The following TNS1 variants were observed in gnomAD, a reference collection of about 807,000 sequenced individuals.
The protein encoded by TNS1 is tensin-1.
In TNS1, 62 loss-of-function variants were observed where a neutral mutation model predicts 168.6. The observed-to-expected ratio is 0.37, with a 90% CI of 0.30 to 0.45. The LOEUF (loss-of-function observed/expected upper bound fraction) is 0.45. Among genes scored for constraint, TNS1 ranks in the 20% least tolerant of loss-of-function variants. TNS1 has a pLI of 1.00. For missense variants in TNS1, 2,240 were observed against 2,339.4 expected (o/e 0.96, Z 0.88); for synonymous variants, 934 against 933.2 (o/e 1.00, Z -0.02).
chr2:217,929,704 AC>A (rs1956219840), intron 3 of TNS1, among the ~76,000 whole-genome samples: 1 of 8,434 alleles, frequency 1.2e-4, no homozygotes. Flanking sequence ...TCCACCCCCC[AC>A]CCGCCCCGGC....
At chr2:217,808,472 C>T (rs1939665964) in intron 31 of TNS1, 131 bp downstream of exon 31, 2 of 930,236 alleles carry the variant, frequency 2.1e-6, no homozygotes, top group East Asian at 4.8e-5. Context: ...CACACATGGG[C>T]AGACCTTCCA....
chr2:218,011,211 T>C (rs1958702990), upstream of TNS1, among the ~76,000 whole-genome samples: 1 of 152,022 alleles, frequency 6.6e-6, no homozygotes, highest in South Asian at 2.1e-4. Context: ...TCAGGAATAT[T>C]GTGTGAGGTC....
chr2:217,820,375 T>A (rs1385478579), intron 23 of TNS1, among the ~76,000 whole-genome samples: 2 of 152,180 alleles, frequency 1.3e-5, no homozygotes, highest in Non-Finnish European at 2.9e-5. Flanking sequence ...TCAGGCCTCC[T>A]GAGCAACGCA....
chr2:217,871,951 C>A (rs2125597193), intron 18 of TNS1, among the ~76,000 whole-genome samples: 1 of 152,390 alleles, frequency 6.6e-6, no homozygotes. Context: ...GCATTTTGGG[C>A]TACAGATGAA....
At chr2:217,968,088 A>G (rs780370902) in intron 3 of TNS1, among the ~76,000 whole-genome samples, 2 of 152,248 alleles carry the variant, frequency 1.3e-5, no homozygotes, top group Non-Finnish European at 2.9e-5. Context: ...ACAAAATCCA[A>G]CACCATTTCA....
intron 23 of TNS1, among the ~76,000 whole-genome samples, chr2:217,820,084 T>C (rs557551686): frequency 6.6e-6 from 1 of 152,134 alleles, no homozygotes; most frequent in Non-Finnish European, 1.5e-5. Flanking sequence ...GGCCACCTCC[T>C]GGTATAATCC....
At chr2:217,828,916 G>A (rs1251318428) in intron 22 of TNS1, among the ~76,000 whole-genome samples, 3 of 152,230 alleles carry the variant, frequency 2.0e-5, no homozygotes, top group South Asian at 2.1e-4. Context: ...AATCGTGGCT[G>A]TAAGATGGGG....
intron 3 of TNS1, among the ~76,000 whole-genome samples, chr2:217,944,613 T>C (rs558303431): frequency 2.6e-5 from 4 of 152,366 alleles, no homozygotes; most frequent in Non-Finnish European, 5.9e-5. Flanking sequence ...AAATGTGAGA[T>C]AGTAATCTCT....
At chr2:217,850,123 G>T (rs1327430485) in intron 18 of TNS1, 1 of 985,240 alleles carries the variant, frequency 1.0e-6, no homozygotes, top group Non-Finnish European at 1.2e-6. Context: ...AAGGGACGCG[G>T]GTCCTGGGAA....
intron 3 of TNS1, among the ~76,000 whole-genome samples, chr2:217,970,893 A>G (rs1443067181): frequency 6.6e-6 from 1 of 151,594 alleles, no homozygotes; most frequent in African/African-American, 2.4e-5. Flanking sequence ...AATTAGTTAT[A>G]CCTCAATAAA....
At chr2:217,962,401 C>A (rs1957522174) in intron 3 of TNS1, among the ~76,000 whole-genome samples, 1 of 152,144 alleles carries the variant, frequency 6.6e-6, no homozygotes, top group African/African-American at 2.4e-5. Flanking sequence ...CGAGATCATG[C>A]CATTGCACTC....
At chr2:217,864,897 G>A (rs945180174) in intron 18 of TNS1, among the ~76,000 whole-genome samples, 9 of 152,156 alleles carry the variant, frequency 5.9e-5, no homozygotes, top group African/African-American at 9.7e-5. Context: ...AATACTGTAC[G>A]CAGTGGGGCA....
chr2:217,806,626 A>G (rs972230), intron 32 of TNS1, among the ~76,000 whole-genome samples: 63,644 of 152,026 alleles, frequency 0.42, 15,286 homozygotes, highest in African/African-American at 0.65. Flanking sequence ...AGACACGGGA[A>G]ATGCAGGAAC....
At chr2:217,865,838 G>A (rs1949225659) in intron 18 of TNS1, among the ~76,000 whole-genome samples, 1 of 152,178 alleles carries the variant, frequency 6.6e-6, no homozygotes, top group Admixed American at 6.5e-5. Flanking sequence ...AGGGGCAGGA[G>A]AAAAGGGACT....
chr2:218,025,574 T>C (rs1296123248), intron 1 of TNS1, among the ~76,000 whole-genome samples: 1 of 146,160 alleles, frequency 6.8e-6, no homozygotes, highest in Non-Finnish European at 1.5e-5. Flanking sequence ...TTAAAATCCA[T>C]TGCTGTGTTT....
chr2:217,998,769 G>A (rs1370894917), intron 1 of TNS1, among the ~76,000 whole-genome samples: 1 of 152,176 alleles, frequency 6.6e-6, no homozygotes, highest in African/African-American at 2.4e-5. Flanking sequence ...CAAAGTGCTG[G>A]GATCACAGGT....
intron 20 of TNS1, 57 bp downstream of exon 20, chr2:217,835,958 G>A (rs1201188532): frequency 6.7e-7 from 1 of 1,481,676 alleles, no homozygotes. Flanking sequence ...GGTTTCTGGA[G>A]ATTTAAAGTG....
chr2:217,984,217 G>A (rs924722199), intron 2 of TNS1, among the ~76,000 whole-genome samples: 6 of 152,078 alleles, frequency 3.9e-5, no homozygotes, highest in Admixed American at 2.6e-4. Context: ...ACATCCTGTT[G>A]GTTCTGTTTC....
At chr2:217,861,066 GT>G (rs1433295699) in intron 18 of TNS1, among the ~76,000 whole-genome samples, 3 of 152,174 alleles carry the variant, frequency 2.0e-5, no homozygotes, top group Non-Finnish European at 4.4e-5. Flanking sequence ...AGAGAGTCAG[GT>G]TTGGCAAAAA....
Sources: gnomAD v4.1 joint callset for allele counts (sites outside exome capture counted in the v4.1 genomes callset) on GRCh38, gnomAD v4.1.1 for gene constraint, MANE v1.5 for transcripts, NCBI Gene and HGNC (gene_info 2026-07-23, HGNC 2026-07-21) for gene names.